Variants in KIF6 observed in about 807,000 individuals in gnomAD.
The protein encoded by KIF6 is kinesin family member 6, also known as kinesin-like protein KIF6.
In KIF6, 106 loss-of-function variants were observed where a neutral mutation model predicts 112.7. The ratio of observed to expected loss-of-function variants is 0.94; its 90% CI spans 0.80 to 1.11. The LOEUF (loss-of-function observed/expected upper bound fraction) is 1.11. Ranked by LOEUF, KIF6 falls within the 50% of genes least tolerant of loss-of-function variation. The probability of loss-of-function intolerance (pLI) is 0.00; values close to 1 mark genes in which losing one functional copy is unlikely to be tolerated. For missense variants in KIF6, 929 were observed against 964.0 expected (o/e 0.96, Z 0.48); for synonymous variants, 339 against 339.9 (o/e 1.00, Z 0.03).
At chr6:39,617,559 T>C (rs1783584548) in intron 5 of KIF6, among the ~76,000 whole-genome samples, 1 of 152,214 alleles carries the variant, frequency 6.6e-6, no homozygotes, top group Non-Finnish European at 1.5e-5. Context: ...TCATGCACTA[T>C]GCAATGGCGC....
intron 3 of KIF6, among the ~76,000 whole-genome samples, chr6:39,694,845 A>G (rs1009287954): frequency 6.6e-6 from 1 of 152,116 alleles, no homozygotes; most frequent in African/African-American, 2.4e-5. Context: ...AACCAAAAAA[A>G]AGCTCAAAGA....
chr6:39,675,514 T>C (rs1456272786), intron 3 of KIF6, among the ~76,000 whole-genome samples: 2 of 152,078 alleles, frequency 1.3e-5, no homozygotes, highest in South Asian at 2.1e-4. Context: ...ATCTACTCTA[T>C]AGTGATGTGC....
At chr6:39,363,476 C>A (rs1185961085) in intron 16 of KIF6, among the ~76,000 whole-genome samples, 2 of 152,186 alleles carry the variant, frequency 1.3e-5, no homozygotes, top group Non-Finnish European at 2.9e-5. Flanking sequence ...TGTCTTCCCC[C>A]ACATGACTGC....
intron 13 of KIF6, among the ~76,000 whole-genome samples, chr6:39,526,751 G>A (rs1327990885): frequency 6.6e-6 from 1 of 152,070 alleles, no homozygotes; most frequent in Non-Finnish European, 1.5e-5. Flanking sequence ...ACTGTGCTCT[G>A]CAAAAGTGCG....
At chr6:39,521,328 C>T (rs1302022379) in intron 13 of KIF6, among the ~76,000 whole-genome samples, 1 of 152,170 alleles carries the variant, frequency 6.6e-6, no homozygotes, top group Non-Finnish European at 1.5e-5. Flanking sequence ...CTGTATGTTA[C>T]CTCTAGAGTG....
chr6:39,443,941 G>A (rs990075599), intron 13 of KIF6, among the ~76,000 whole-genome samples: 3 of 152,132 alleles, frequency 2.0e-5, no homozygotes, highest in African/African-American at 7.2e-5. Context: ...TTTAATTTTT[G>A]TGTGTCTTCC....
chr6:39,724,449 T>C (rs2113916828), intron 1 of KIF6, among the ~76,000 whole-genome samples: 1 of 56,616 alleles, frequency 1.8e-5, no homozygotes, highest in Non-Finnish European at 3.4e-5. Flanking sequence ...CGAGACTCCG[T>C]CTCAAAAAAA....
chr6:39,481,944 T>C (rs997020167), intron 13 of KIF6, among the ~76,000 whole-genome samples: 1 of 151,734 alleles, frequency 6.6e-6, no homozygotes, highest in Non-Finnish European at 1.5e-5. Flanking sequence ...TACTCTGTGC[T>C]TAACTCAGAT....
intron 10 of KIF6, among the ~76,000 whole-genome samples, chr6:39,550,161 G>A (rs1050347915): frequency 4.6e-5 from 7 of 152,168 alleles, no homozygotes; most frequent in African/African-American, 1.4e-4. Context: ...TTTATACATT[G>A]AGTGTGATTA....
chr6:39,409,707 G>A (rs1376330724), intron 15 of KIF6, among the ~76,000 whole-genome samples: 3 of 152,208 alleles, frequency 2.0e-5, no homozygotes, highest in East Asian at 3.9e-4. Context: ...AACTGAGGCC[G>A]TCTCCATGCT....
intron 10 of KIF6, among the ~76,000 whole-genome samples, chr6:39,567,583 T>C (rs1780362295): frequency 6.6e-6 from 1 of 151,914 alleles, no homozygotes; most frequent in African/African-American, 2.4e-5. Flanking sequence ...ATCCAGTGGA[T>C]ACCAAATCAA....
intron 14 of KIF6, among the ~76,000 whole-genome samples, chr6:39,426,428 G>C (rs1474487767): frequency 6.6e-6 from 1 of 152,080 alleles, no homozygotes; most frequent in Non-Finnish European, 1.5e-5. Context: ...AAAGGGTGCA[G>C]GAAAAAGGGG....
At chr6:39,683,375 G>A (rs1456908614) in intron 3 of KIF6, among the ~76,000 whole-genome samples, 1 of 152,086 alleles carries the variant, frequency 6.6e-6, no homozygotes, top group East Asian at 1.9e-4. Flanking sequence ...AAGGAGATGA[G>A]GAAAAGAGCA....
chr6:39,621,067 C>T (rs1196291243), intron 5 of KIF6, among the ~76,000 whole-genome samples: 1 of 151,950 alleles, frequency 6.6e-6, no homozygotes, highest in Non-Finnish European at 1.5e-5. Context: ...CCGCACCCAG[C>T]CTACAACATT....
intron 5 of KIF6, among the ~76,000 whole-genome samples, chr6:39,630,172 G>C (rs1003735640): frequency 2.0e-5 from 3 of 151,706 alleles, no homozygotes; most frequent in Non-Finnish European, 4.4e-5. Flanking sequence ...TGGCTATTTT[G>C]CCTTTCCTGT....
chr6:39,535,190 A>G lies in KIF6; in HGVS notation c.1645+4813T>C, dbSNP rs141263160. ...AATAACCAGCTGACATCATAATGACAGGATCAAATTCACACATAACAATAC... is the reference window on the plus strand; with the variant it reads ...AATAACCAGCTGACATCATAATGACGGGATCAAATTCACACATAACAATAC... On this transcript the variant is annotated intron_variant, in intron 13 of 22. Transcript: ENST00000287152. 9.0e-3 allele frequency among the ~76,000 whole-genome samples: 1,367 copies of G among 152,352 alleles called. 30 individuals are homozygous for G. Among genetic ancestry groups the G allele is most frequent in the African/African-American group, 0.031 (1,274 of 41,580 alleles).
intron 13 of KIF6, among the ~76,000 whole-genome samples, chr6:39,506,230 T>C (rs1400140961): frequency 6.6e-6 from 1 of 152,172 alleles, no homozygotes; most frequent in African/African-American, 2.4e-5. Context: ...TAAGCCATTA[T>C]CCTCAGCAAA....
intron 10 of KIF6, among the ~76,000 whole-genome samples, chr6:39,569,799 T>C (rs566913879): frequency 3.3e-4 from 50 of 152,312 alleles, no homozygotes; most frequent in South Asian, 1.0e-3. Context: ...CTGGACATCT[T>C]CCCCTGTCTG....
At chr6:39,340,048 G>A (rs542459403) in intron 22 of KIF6, among the ~76,000 whole-genome samples, 1 of 152,310 alleles carries the variant, frequency 6.6e-6, no homozygotes, top group East Asian at 1.9e-4. Context: ...TTGCCTGGGT[G>A]CCCTGATAAG....
Sources: gnomAD v4.1 joint callset for allele counts (sites outside exome capture counted in the v4.1 genomes callset) on GRCh38, gnomAD v4.1.1 for gene constraint, MANE v1.5 for transcripts, NCBI Gene and HGNC (gene_info 2026-07-23, HGNC 2026-07-21) for gene names.